The following METTL9 variants were observed in gnomAD, a reference collection of about 807,000 sequenced individuals.
METTL9 encodes protein-L-histidine N-pros-methyltransferase.
In METTL9, 10 loss-of-function variants were observed where a neutral mutation model predicts 36.0. That is an observed-to-expected ratio of 0.28 (90% CI 0.17 to 0.47). The LOEUF is 0.47. Among genes scored for constraint, METTL9 ranks in the 20% least tolerant of loss-of-function variants. The probability of loss-of-function intolerance (pLI) is 0.99; values close to 1 mark genes in which losing one functional copy is unlikely to be tolerated. For synonymous variants in METTL9, 175 were observed against 149.7 expected (o/e 1.17, Z -1.23); for missense variants, 246 against 383.5 (o/e 0.64, Z 3.00).
At chr16:21,647,238 C>G (rs1966453650) in intron 4 of METTL9, 2 of 1,614,052 alleles carry the variant, frequency 1.2e-6, no homozygotes, top group East Asian at 4.5e-5. Context: ...TTTGAAGTCA[C>G]TCTGTTTACA....
At chr16:21,641,634 G>A (rs750144640) in intron 4 of METTL9, 2 of 1,349,162 alleles carry the variant, frequency 1.5e-6, no homozygotes, top group South Asian at 1.2e-5. Flanking sequence ...TTAAGGTTAT[G>A]TAACCAATGA....
upstream of METTL9, chr16:21,597,264 A>G (rs1567320253): frequency 7.8e-7 from 1 of 1,289,076 alleles, no homozygotes; most frequent in East Asian, 5.5e-5. Flanking sequence ...AGATGGATCG[A>G]AAGACCACGA....
chr16:21,604,609 A>G (rs992993562), intron 1 of METTL9, among the ~76,000 whole-genome samples: 12 of 152,154 alleles, frequency 7.9e-5, no homozygotes, highest in African/African-American at 2.9e-4. Context: ...TTTGTGGGAA[A>G]ATGGTGAATG....
At chr16:21,649,148 G>A (rs1190045646) in intron 4 of METTL9, among the ~76,000 whole-genome samples, 1 of 152,008 alleles carries the variant, frequency 6.6e-6, no homozygotes, top group Non-Finnish European at 1.5e-5. Flanking sequence ...CTGCAGCACT[G>A]TGCCCAGCTA....
At chr16:21,618,522 T>C (rs1965610575) in intron 3 of METTL9, among the ~76,000 whole-genome samples, 2 of 152,128 alleles carry the variant, frequency 1.3e-5, no homozygotes. Flanking sequence ...CAATAAACAA[T>C]AACTCCCCAT....
intron 4 of METTL9, chr16:21,640,346 G>A (rs1004465560): frequency 2.0e-5 from 3 of 152,060 alleles, no homozygotes; most frequent in Non-Finnish European, 4.4e-5. Context: ...TACCAAAGTA[G>A]CTTTCAAAGG....
chr16:21,642,679 T>C (rs1430380682), intron 4 of METTL9, among the ~76,000 whole-genome samples: 2 of 152,154 alleles, frequency 1.3e-5, no homozygotes, highest in Non-Finnish European at 2.9e-5. Context: ...TTTTGCCTTA[T>C]AAGTAACAAG....
intron 3 of METTL9, among the ~76,000 whole-genome samples, chr16:21,624,552 C>A (rs1965777319): frequency 6.6e-6 from 1 of 151,928 alleles, no homozygotes; most frequent in African/African-American, 2.4e-5. Flanking sequence ...TGTGGTAAAA[C>A]CCCGTCTCTA....
At chr16:21,650,655 A>G (rs1200434957) in intron 4 of METTL9, among the ~76,000 whole-genome samples, 1 of 152,252 alleles carries the variant, frequency 6.6e-6, no homozygotes, top group Non-Finnish European at 1.5e-5. Flanking sequence ...CTTCTTCCCA[A>G]TTAGGCTATG....
chr16:21,603,589 G>C (rs781530145), intron 1 of METTL9, among the ~76,000 whole-genome samples: 5 of 151,930 alleles, frequency 3.3e-5, no homozygotes, highest in African/African-American at 1.2e-4. Context: ...AAAAACTTAG[G>C]ATCTATTCTT....
chr16:21,644,323 G>C (rs760364129), intron 4 of METTL9: 2 of 1,613,738 alleles, frequency 1.2e-6, no homozygotes, highest in Admixed American at 1.7e-5. Flanking sequence ...CGCACACACC[G>C]GTCACATAGA....
At chr16:21,650,037 T>TA (rs1966527119) in intron 4 of METTL9, among the ~76,000 whole-genome samples, 1 of 152,140 alleles carries the variant, frequency 6.6e-6, no homozygotes, top group Non-Finnish European at 1.5e-5. Context: ...TAGTCACAGC[T>TA]ACTCAGGAGG....
chr16:21,597,257 T>C (rs748151078), upstream of METTL9: 4 of 1,288,966 alleles, frequency 3.1e-6, no homozygotes, highest in East Asian at 5.5e-5. Context: ...GCTTCTTAGA[T>C]GGATCGAAAG....
intron 4 of METTL9, chr16:21,646,763 C>T (rs1966440059): frequency 3.1e-6 from 1 of 320,008 alleles, no homozygotes. Flanking sequence ...ACAAGCGATT[C>T]TCCTGCCTCA....
At chr16:21,600,712 C>T (rs953574068) in intron 1 of METTL9, among the ~76,000 whole-genome samples, 1 of 152,136 alleles carries the variant, frequency 6.6e-6, no homozygotes, top group African/African-American at 2.4e-5. Flanking sequence ...TAAACGTGTA[C>T]AGGTTAACTG....
intron 4 of METTL9, among the ~76,000 whole-genome samples, chr16:21,631,906 CTT>C (rs1259213749): frequency 6.6e-6 from 1 of 152,152 alleles, no homozygotes; most frequent in Non-Finnish European, 1.5e-5. Flanking sequence ...TTCCATCTCT[CTT>C]TCTCTTTGAC....
chr16:21,603,130 C>A (rs1965181890), intron 1 of METTL9, among the ~76,000 whole-genome samples: 1 of 151,448 alleles, frequency 6.6e-6, no homozygotes, highest in South Asian at 2.1e-4. Context: ...TCCCAGCTTC[C>A]TTAACAAACA....
At chr16:21,617,787 T>C in intron 2 of METTL9, 78 bp from the exon 3 acceptor site, 1 of 1,240,650 alleles carries the variant, frequency 8.1e-7, no homozygotes, top group East Asian at 2.3e-5. Context: ...GCTGAGTCAC[T>C]ATATTCACTT....
rs578088647 is a variant in METTL9, at chr16:21,643,457, T to A, written c.752-11770T>A. ...TTGATATTCTGTTTAAACTTAACAT[T>A]TAAATATTTAAAAGCTAAAAAATAT... is the stretch of plus-strand genomic sequence containing the variant. On this transcript the variant is annotated intron_variant, in intron 4 of 4. Coordinates refer to ENST00000358154, the MANE Select transcript of METTL9 (RefSeq NM_016025.5). 1.8e-5 allele frequency: 15 copies of A among 822,580 alleles called. No homozygotes were observed. In the African/African-American group the frequency reaches 2.4e-4, roughly 13 times the overall value. 51.0% of individuals were successfully genotyped at this position (822,580 alleles called of 1,614,324 possible).
Sources: gnomAD v4.1 joint callset for allele counts (sites outside exome capture counted in the v4.1 genomes callset) on GRCh38, gnomAD v4.1.1 for gene constraint, MANE v1.5 for transcripts, NCBI Gene and HGNC (gene_info 2026-07-23, HGNC 2026-07-21) for gene names.